The following BRINP2 variants were observed in gnomAD, a reference collection of about 807,000 sequenced individuals.
The protein encoded by BRINP2 is BMP/retinoic acid inducible neural specific 2, also known as BMP/retinoic acid-inducible neural-specific protein 2.
BRINP2 carries 21 observed loss-of-function variants against 69.2 expected under a neutral mutation model. That is an observed-to-expected ratio of 0.30 (90% CI 0.22 to 0.44). The LOEUF is 0.44. Among genes scored for constraint, BRINP2 ranks in the 20% least tolerant of loss-of-function variants. The pLI, the probability that BRINP2 is intolerant of heterozygous loss-of-function variation, is 1.00. For missense variants in BRINP2, 877 were observed against 986.0 expected (o/e 0.89, Z 1.48); for synonymous variants, 380 against 394.1 (o/e 0.96, Z 0.42).
At position 177,280,759 on chromosome 1, in the gene BRINP2, A is replaced by C. The variant is rs779985104; in HGVS notation, c.1583A>C (p.His528Pro). The change falls in exon 8 of 8, where the codon CAC (histidine) becomes CCC (proline). Residue 528 changes from histidine (H) to proline (P), a missense_variant. Physicochemically the swap from His to Pro is moderately conservative, Grantham distance 77. Coordinates refer to ENST00000361539, the MANE Select transcript of BRINP2 (RefSeq NM_021165.4). Reference protein sequence around the residue: ...LQKQDSRIEVHSIFISNDMRL... With the variant: ...LQKQDSRIEVPSIFISNDMRL... ...AAGCAGGATAGCCGCATTGAGGTAC[A>C]CTCCATCTTCATCAGCAATGACATG... The C allele has an allele frequency of 6.2e-7, 1 of 1,614,076 alleles. No individual in the cohort carries two copies. Among genetic ancestry groups the C allele is most frequent in the Non-Finnish European group, 8.5e-7 (1 of 1,180,002 alleles).
chr1:177,248,460 CGTGTGTGTGTGCGTGTGT>C (rs1344897621), intron 2 of BRINP2, among the ~76,000 whole-genome samples: 127 of 140,080 alleles, frequency 9.1e-4, no homozygotes, highest in African/African-American at 3.0e-3. Context: ...TGTGTGCGTG[CGTGTGTGTGTGCGTGTGT>C]GTGTGTGTGT....
At chr1:177,235,158 T>G (rs1414904028) in intron 2 of BRINP2, among the ~76,000 whole-genome samples, 1 of 152,120 alleles carries the variant, frequency 6.6e-6, no homozygotes, top group Non-Finnish European at 1.5e-5. Context: ...ATCCAGAACG[T>G]CAGGCCTCTC....
rs760418353 is a variant in BRINP2 at position 177,281,145 on chromosome 1, T to G, written c.1969T>G (p.Ser657Ala). Residue 657 changes from serine (S) to alanine (A), a missense_variant, in exon 8 of 8, where the codon TCC (serine) becomes GCC (alanine). Coordinates refer to ENST00000361539, the MANE Select transcript of BRINP2 (RefSeq NM_021165.4). ...RSRIKSLDDS[S>A]NETIYYEPLE... is the part of the protein sequence containing the mutation. ...CCGAATCAAGTCCCTGGATGACAGC[T>G]CCAATGAGACAATCTACTATGAGCC... The G allele has an allele frequency of 1.9e-6, 3 of 1,614,162 alleles. No homozygotes were observed. Among genetic ancestry groups the G allele is most frequent in the Non-Finnish European group, 2.5e-6 (3 of 1,180,034 alleles).
chr1:177,231,621 C>G (rs1649862820), intron 2 of BRINP2, among the ~76,000 whole-genome samples: 1 of 152,218 alleles, frequency 6.6e-6, no homozygotes, highest in Non-Finnish European at 1.5e-5. Flanking sequence ...AAATCCTACT[C>G]TTAGGAATCA....
chr1:177,261,840 C>G (rs1406000243), intron 4 of BRINP2, among the ~76,000 whole-genome samples: 1 of 152,142 alleles, frequency 6.6e-6, no homozygotes, highest in Admixed American at 6.5e-5. Context: ...AAGACTGAGA[C>G]AGAACAGAGA....
chr1:177,264,224 C>T (rs148195609), intron 4 of BRINP2, among the ~76,000 whole-genome samples: 14 of 152,298 alleles, frequency 9.2e-5, no homozygotes, highest in Non-Finnish European at 1.3e-4. Context: ...TTTACACTTT[C>T]CTCACTCTTT....
intron 2 of BRINP2, among the ~76,000 whole-genome samples, chr1:177,232,142 T>C (rs1426225506): frequency 2.6e-5 from 4 of 152,130 alleles, no homozygotes; most frequent in African/African-American, 9.7e-5. Context: ...TGTATTGGAA[T>C]TGAAGTCAGG....
At chr1:177,200,891 T>G (rs1327316570) in intron 1 of BRINP2, among the ~76,000 whole-genome samples, 5 of 152,334 alleles carry the variant, frequency 3.3e-5, no homozygotes, top group African/African-American at 2.4e-5. Flanking sequence ...ATAATATTTA[T>G]AGTGCTTCAT....
intron 2 of BRINP2, among the ~76,000 whole-genome samples, chr1:177,235,972 G>T (rs762045615): frequency 1.3e-5 from 2 of 152,130 alleles, no homozygotes; most frequent in Admixed American, 1.3e-4. Context: ...GTTTCTTGAC[G>T]TGGAAGGAGA....
intron 1 of BRINP2, among the ~76,000 whole-genome samples, chr1:177,208,532 C>A (rs1048161955): frequency 3.3e-5 from 5 of 152,200 alleles, no homozygotes; most frequent in African/African-American, 1.2e-4. Context: ...CAGAGAAATG[C>A]ATCCCAGGTG....
intron 1 of BRINP2, among the ~76,000 whole-genome samples, chr1:177,206,150 C>A (rs955358674): frequency 6.6e-6 from 1 of 152,134 alleles, no homozygotes; most frequent in African/African-American, 2.4e-5. Flanking sequence ...AACCCACCAG[C>A]CTTGACAATG....
Position 177,276,369 on chromosome 1 carries a change from T to A in BRINP2, c.947T>A (p.Met316Lys). The A allele has an allele frequency of 6.2e-7, 1 of 1,614,218 alleles. No individual in the cohort carries two copies. The highest frequency in any genetic ancestry group is 1.1e-5 in the South Asian group (1 of 91,090). ...TGCCCTGATGCTGACATCCAGGCCA[T>A]GGAGGACAGCCTGCTGCAGATCCAG... ...CNCPDADIQAMEDSLLQIQDS... is the reference protein window; with the variant it reads ...CNCPDADIQAKEDSLLQIQDS... Residue 316 changes from methionine to lysine, a missense_variant, in exon 6 of 8, where the codon ATG (methionine) becomes AAG (lysine). Physicochemically the swap from Met to Lys is moderately conservative, Grantham distance 95. Around this residue, in one of 3 missense-constraint regions of BRINP2, gnomAD observed 566 missense variants for 625.2 expected, o/e 0.91. Coordinates refer to ENST00000361539, the MANE Select transcript of BRINP2 (RefSeq NM_021165.4).
At chr1:177,173,569 G>A (rs1000356544) in intron 1 of BRINP2, among the ~76,000 whole-genome samples, 1 of 152,188 alleles carries the variant, frequency 6.6e-6, no homozygotes, top group African/African-American at 2.4e-5. Flanking sequence ...AAGGAGGAAG[G>A]TTCCTGCTCT....
At chr1:177,175,628 G>A (rs1050585156) in intron 1 of BRINP2, among the ~76,000 whole-genome samples, 1 of 152,216 alleles carries the variant, frequency 6.6e-6, no homozygotes, top group Non-Finnish European at 1.5e-5. Context: ...CATTGAACAT[G>A]AAAGTGGAAT....
chr1:177,247,835 G>A (rs1650432372), intron 2 of BRINP2, among the ~76,000 whole-genome samples: 2 of 152,244 alleles, frequency 1.3e-5, no homozygotes, highest in Admixed American at 1.3e-4. Flanking sequence ...GCTGGAAGCA[G>A]CATTGATTTC....
chr1:177,197,799 G>T (rs1648790091), intron 1 of BRINP2, among the ~76,000 whole-genome samples: 1 of 152,170 alleles, frequency 6.6e-6, no homozygotes, highest in Non-Finnish European at 1.5e-5. Flanking sequence ...ATTGGATGGG[G>T]AATAAGGTGT....
intron 1 of BRINP2, among the ~76,000 whole-genome samples, chr1:177,187,603 G>C (rs1203136021): frequency 6.6e-6 from 1 of 152,190 alleles, no homozygotes; most frequent in African/African-American, 2.4e-5. Flanking sequence ...CAAGGAGGAA[G>C]AGAAGGTGGA....
chr1:177,260,619 C>T (rs1181323138), intron 4 of BRINP2, among the ~76,000 whole-genome samples: 4 of 152,152 alleles, frequency 2.6e-5, no homozygotes, highest in African/African-American at 4.8e-5. Context: ...CTTCAGCAAC[C>T]ACCACCCTGA....
chr1:177,270,983 C>T (rs1185697878), intron 4 of BRINP2, among the ~76,000 whole-genome samples: 3 of 152,180 alleles, frequency 2.0e-5, no homozygotes, highest in East Asian at 1.9e-4. Context: ...AATAAAGAAA[C>T]ATGATTCAGC....
Sources: gnomAD v4.1 joint callset for allele counts (sites outside exome capture counted in the v4.1 genomes callset) on GRCh38, gnomAD v4.1.1 for gene constraint, gnomAD v4.1.1 regional missense constraint, MANE v1.5 for transcripts, NCBI Gene and HGNC (gene_info 2026-07-23, HGNC 2026-07-21) for gene names.